COX7B2: variants seen among roughly 807,000 people sequenced by gnomAD.
COX7B2 encodes cytochrome c oxidase subunit 7B2.
For missense variants in COX7B2, 109 were observed against 95.9 expected, an observed-to-expected ratio of 1.14 and a Z score of -0.57; for synonymous variants, 37 against 32.1, an observed-to-expected ratio of 1.15 and a Z score of -0.51.
intron 2 of COX7B2, among the ~76,000 whole-genome samples, chr4:46,803,792 A>T (rs1268333473): frequency 6.6e-6 from 1 of 150,504 alleles, no homozygotes; most frequent in African/African-American, 2.4e-5. Flanking sequence ...AAGACAGACA[A>T]GTATTTAATG....
intron 2 of COX7B2, among the ~76,000 whole-genome samples, chr4:46,776,314 T>C (rs1214043338): frequency 1.3e-5 from 2 of 152,030 alleles, no homozygotes; most frequent in Admixed American, 1.3e-4. Flanking sequence ...TTTTAACCAT[T>C]TCCTGTTAAA....
At chr4:46,813,636 T>C (rs1473259107) in intron 2 of COX7B2, among the ~76,000 whole-genome samples, 1 of 152,160 alleles carries the variant, frequency 6.6e-6, no homozygotes, top group Non-Finnish European at 1.5e-5. Flanking sequence ...AACGGGTTGA[T>C]AGGTGCAGCA....
chr4:46,830,612 C>T (rs1275880031), intron 2 of COX7B2, among the ~76,000 whole-genome samples: 2 of 152,136 alleles, frequency 1.3e-5, no homozygotes, highest in Non-Finnish European at 2.9e-5. Context: ...AGGAAGTGTT[C>T]ACAGAGCAAT....
chr4:46,734,829 T>C lies in COX7B2; in HGVS notation c.*118A>G, dbSNP rs1184799468. On this transcript the variant is annotated 3_prime_UTR_variant, in exon 3 of 3. Transcript: ENST00000355591. The stretch of plus-strand genomic sequence containing the variant: ...ATATAATGACCATTTGCAATGACTT[T>C]TTAAAGATTTAAAACACATTTTATT... 1.6e-6 allele frequency: 2 copies of C among 1,236,152 alleles called. No individual in the cohort carries two copies. The highest frequency in any genetic ancestry group is 2.3e-6 in the Non-Finnish European group (2 of 871,532). The allele number at this position is 1,236,152 out of a possible 1,614,324, so 76.6% of individuals were successfully genotyped here.
At chr4:46,779,746 C>G (rs180824938) in intron 2 of COX7B2, among the ~76,000 whole-genome samples, 1 of 150,574 alleles carries the variant, frequency 6.6e-6, no homozygotes, top group Admixed American at 6.6e-5. Flanking sequence ...AAAAATCAAA[C>G]TAAACCAAAT....
intron 1 of COX7B2, among the ~76,000 whole-genome samples, chr4:46,893,200 C>A (rs1206854561): frequency 6.6e-6 from 1 of 152,084 alleles, no homozygotes; most frequent in African/African-American, 2.4e-5. Flanking sequence ...CTTCTTAGAG[C>A]CTTAATGATG....
chr4:46,737,692 T>A, intron 2 of COX7B2, among the ~76,000 whole-genome samples: 1 of 152,118 alleles, frequency 6.6e-6, no homozygotes, highest in East Asian at 1.9e-4. Context: ...TCTTTAAATT[T>A]ATCTTCCTGT....
At chr4:46,848,814 C>T (rs985648696) in intron 1 of COX7B2, among the ~76,000 whole-genome samples, 1 of 151,848 alleles carries the variant, frequency 6.6e-6, no homozygotes, top group African/African-American at 2.4e-5. Flanking sequence ...CTCAATCGTC[C>T]CTTGGATTCC....
chr4:46,777,053 C>G (rs1314970931), intron 2 of COX7B2, among the ~76,000 whole-genome samples: 2 of 152,160 alleles, frequency 1.3e-5, no homozygotes, highest in African/African-American at 4.8e-5. Context: ...GCAGATTAAA[C>G]TGCTGCATCA....
At chr4:46,748,635 C>T (rs1406370864) in intron 2 of COX7B2, among the ~76,000 whole-genome samples, 1 of 152,134 alleles carries the variant, frequency 6.6e-6, no homozygotes, top group African/African-American at 2.4e-5. Flanking sequence ...GCAAAATGAA[C>T]ATTTTAGATC....
rs578231403 is a variant in COX7B2 at position 46,777,437 on chromosome 4, A to G, written c.-49-42196T>C. ...GGTGGTGAGGAGAGAGTGAGTGTTAAATAATGGAAAAATAATAGCATGTAT... is the reference window on the plus strand; with the variant it reads ...GGTGGTGAGGAGAGAGTGAGTGTTAGATAATGGAAAAATAATAGCATGTAT... On this transcript the variant is annotated intron_variant, in intron 2 of 2. Transcript: ENST00000355591. Among the ~76,000 whole-genome samples, 3 of 152,160 alleles carry G rather than the reference A, an allele frequency of 2.0e-5. No individual in the cohort carries two copies. The East Asian group carries it at 5.8e-4, about 29-fold the overall frequency.
intron 1 of COX7B2, among the ~76,000 whole-genome samples, chr4:46,908,167 A>G (rs1348792832): frequency 6.6e-6 from 1 of 152,024 alleles, no homozygotes; most frequent in East Asian, 1.9e-4. Context: ...TGAGCAGACT[A>G]TCTATGCCCC....
chr4:46,852,852 T>C (rs1367255635), intron 1 of COX7B2, among the ~76,000 whole-genome samples: 1 of 152,126 alleles, frequency 6.6e-6, no homozygotes, highest in Non-Finnish European at 1.5e-5. Flanking sequence ...TTTTTTGCTT[T>C]TCTGTGCTTT....
chr4:46,841,064 T>C (rs779619706), intron 2 of COX7B2, among the ~76,000 whole-genome samples: 2 of 151,918 alleles, frequency 1.3e-5, no homozygotes, highest in African/African-American at 2.4e-5. Flanking sequence ...GTGAGGACAA[T>C]GGCAGGCAGT....
At chr4:46,771,366 A>G (rs1716868042) in intron 2 of COX7B2, among the ~76,000 whole-genome samples, 1 of 152,116 alleles carries the variant, frequency 6.6e-6, no homozygotes, top group African/African-American at 2.4e-5. Flanking sequence ...TGGTTGGTGG[A>G]CATGTAAGTT....
At chr4:46,861,901 T>A (rs1252811682) in intron 1 of COX7B2, among the ~76,000 whole-genome samples, 1 of 152,176 alleles carries the variant, frequency 6.6e-6, no homozygotes, top group Non-Finnish European at 1.5e-5. Flanking sequence ...AGCTCAGGGT[T>A]CCACCCCAAG....
In COX7B2 at chr4:46,771,875, A is replaced by G. The variant is rs564735940; in HGVS notation, c.-49-36634T>C. ...TGAACATTCCAAATCTGAAAATCTG[A>G]AATCCAAAATTCTCCAATGAGCATT... is the stretch of plus-strand genomic sequence containing the variant. On this transcript the variant is annotated intron_variant, in intron 2 of 2. Transcript: ENST00000355591. 4.6e-5 allele frequency among the ~76,000 whole-genome samples: 7 copies of G among 152,270 alleles called. No individual in the cohort carries two copies. In the East Asian group the frequency reaches 1.4e-3, roughly 29 times the overall value.
intron 1 of COX7B2, among the ~76,000 whole-genome samples, chr4:46,895,767 G>T (rs147546151): frequency 6.6e-6 from 1 of 151,936 alleles, no homozygotes; most frequent in African/African-American, 2.4e-5. Flanking sequence ...GTATTTTTAA[G>T]GCCCCCCCCA....
chr4:46,801,724 G>T (rs552286620), intron 2 of COX7B2, among the ~76,000 whole-genome samples: 4 of 152,220 alleles, frequency 2.6e-5, no homozygotes, highest in African/African-American at 9.6e-5. Context: ...TAAAATAAAA[G>T]TTGGAAGGGG....
Sources: gnomAD v4.1 joint callset for allele counts (sites outside exome capture counted in the v4.1 genomes callset) on GRCh38, gnomAD v4.1.1 for gene constraint, MANE v1.5 for transcripts, NCBI Gene and HGNC (gene_info 2026-07-23, HGNC 2026-07-21) for gene names.